Variants in SLC9D1 observed in about 807,000 individuals in gnomAD.
SLC9D1 encodes putative LAG1-interacting protein.
the SLC9D1 span, among the ~76,000 whole-genome samples, chr13:113,515,291 A>G: frequency 6.6e-6 from 1 of 152,250 alleles, no homozygotes. Flanking sequence ...CTGCAGAAGC[A>G]AATGTGAATT....
At chr13:113,532,170 G>A in the SLC9D1 span, among the ~76,000 whole-genome samples, 3 of 152,232 alleles carry the variant, frequency 2.0e-5, no homozygotes, top group Non-Finnish European at 2.9e-5. Flanking sequence ...CCCATGTGGG[G>A]AGCTGCTGTT....
chr13:113,537,080 C>T, the SLC9D1 span, among the ~76,000 whole-genome samples: 1 of 152,146 alleles, frequency 6.6e-6, no homozygotes, highest in East Asian at 1.9e-4. Flanking sequence ...GTTGTCCTGG[C>T]GGTGTTCCTA....
chr13:113,533,377 T>G, the SLC9D1 span, among the ~76,000 whole-genome samples: 1 of 152,322 alleles, frequency 6.6e-6, no homozygotes, highest in Admixed American at 6.5e-5. Context: ...TAAGCCAGAC[T>G]GCAGAGGCTG....
the SLC9D1 span, among the ~76,000 whole-genome samples, chr13:113,499,135 A>ATT: frequency 2.0e-5 from 3 of 152,150 alleles, no homozygotes; most frequent in Admixed American, 2.0e-4. Flanking sequence ...TTGCCATGGC[A>ATT]TTTGTAAGTT....
the SLC9D1 span, chr13:113,496,057 G>T: frequency 7.2e-7 from 1 of 1,389,662 alleles, no homozygotes; most frequent in Non-Finnish European, 9.9e-7. Context: ...AGAGAGAGAG[G>T]GAGAGGGAGA....
chr13:113,498,303 C>G, the SLC9D1 span: 2 of 1,418,126 alleles, frequency 1.4e-6, no homozygotes, highest in South Asian at 3.0e-5. Flanking sequence ...TAGCTTATTT[C>G]TTAATATATC....
chr13:113,520,882 C>T, the SLC9D1 span: 120 of 631,810 alleles, frequency 1.9e-4, no homozygotes, highest in East Asian at 2.9e-3. Context: ...GCCTTGCTCA[C>T]GCCCTGGCTC....
At chr13:113,501,975 A>G in the SLC9D1 span, 1 of 1,015,756 alleles carries the variant, frequency 9.8e-7, no homozygotes. Flanking sequence ...ATTAATGCAG[A>G]TACCAGCTTC....
At chr13:113,517,916 G>GTGGGGAGTGTGGGTGGAGGGAAGA in the SLC9D1 span, among the ~76,000 whole-genome samples, 1 of 152,116 alleles carries the variant, frequency 6.6e-6, no homozygotes, top group Non-Finnish European at 1.5e-5. Context: ...AGAGCTCCTT[G>GTGGGGAGTGTGGGTGGAGGGAAGA]GCGGCACCCT....
the SLC9D1 span, among the ~76,000 whole-genome samples, chr13:113,537,366 C>A: frequency 6.6e-6 from 1 of 152,234 alleles, no homozygotes; most frequent in African/African-American, 2.4e-5. Context: ...ACTTCCTGGC[C>A]CCGTGGGCCG....
At chr13:113,536,610 G>A in the SLC9D1 span, 1 of 983,868 alleles carries the variant, frequency 1.0e-6, no homozygotes, top group Non-Finnish European at 1.2e-6. Context: ...TTCCATTACA[G>A]TGACTCTGCC....
At chr13:113,545,594 A>G in the SLC9D1 span, among the ~76,000 whole-genome samples, 60,427 of 152,010 alleles carry the variant, frequency 0.4, 13,989 homozygotes, top group African/African-American at 0.64. Flanking sequence ...AGGGCCAGGA[A>G]CTCTTAGCTC....
the SLC9D1 span, among the ~76,000 whole-genome samples, chr13:113,499,398 A>T: frequency 2.6e-5 from 4 of 152,144 alleles, no homozygotes; most frequent in Admixed American, 2.6e-4. Context: ...AGTAGGTTTC[A>T]TCCTCATTTT....
chr13:113,519,832 G>A, the SLC9D1 span, among the ~76,000 whole-genome samples: 3 of 149,208 alleles, frequency 2.0e-5, no homozygotes, highest in Admixed American at 6.6e-5. Flanking sequence ...CATCAAGTCT[G>A]TGTTGGTCTC....
the SLC9D1 span, among the ~76,000 whole-genome samples, chr13:113,532,278 G>A: frequency 3.3e-5 from 5 of 152,220 alleles, no homozygotes; most frequent in African/African-American, 9.6e-5. Flanking sequence ...AACAGGAAGA[G>A]GAGCTGGTGA....
At chr13:113,500,860 C>T in the SLC9D1 span, among the ~76,000 whole-genome samples, 3 of 152,180 alleles carry the variant, frequency 2.0e-5, no homozygotes, top group Non-Finnish European at 2.9e-5. Context: ...GATGTGGTCA[C>T]GATGGAGTGG....
the SLC9D1 span, among the ~76,000 whole-genome samples, chr13:113,515,629 C>G: frequency 6.6e-6 from 1 of 152,082 alleles, no homozygotes. Flanking sequence ...CGGTGGCTCA[C>G]GCTGGTAATC....
chr13:113,539,411 C>T, the SLC9D1 span: 1 of 1,613,652 alleles, frequency 6.2e-7, no homozygotes, highest in African/African-American at 1.3e-5. This position sits in a 1 kb window ranked among gnomAD's most constrained non-coding sequence, Gnocchi z 4.8. Context: ...GGCTGGAGCG[C>T]TCGTCTCCTC....
chr13:113,537,652 C>G, the SLC9D1 span, among the ~76,000 whole-genome samples: 1 of 152,202 alleles, frequency 6.6e-6, no homozygotes, highest in Non-Finnish European at 1.5e-5. Context: ...CTTCTGTGTT[C>G]TGTGTGAAAG....
Sources: gnomAD v4.1 joint callset for allele counts (sites outside exome capture counted in the v4.1 genomes callset) on GRCh38, gnomAD v4.1.1 for gene constraint, Gnocchi (gnomAD v3.1) non-coding constraint, MANE v1.5 for transcripts, NCBI Gene and HGNC (gene_info 2026-07-23, HGNC 2026-07-21) for gene names.